The following CFAP20DC variants were observed in gnomAD, a reference collection of about 807,000 sequenced individuals.
CFAP20DC encodes CFAP20 domain containing.
Under a neutral mutation model 101.7 loss-of-function variants are expected in CFAP20DC, and 84 were observed. The observed-to-expected ratio is 0.83, with a 90% confidence interval of 0.69 to 0.99. The LOEUF is 0.99. CFAP20DC is among the 50% of genes least tolerant of loss of function. CFAP20DC has a pLI of 0.00. For missense variants in CFAP20DC, 1,007 were observed against 970.3 expected (o/e 1.04, Z -0.50); for synonymous variants, 359 against 351.2 (o/e 1.02, Z -0.25).
chr3:59,020,283 T>C (rs1390337134), intron 4 of CFAP20DC, among the ~76,000 whole-genome samples: 2 of 152,030 alleles, frequency 1.3e-5, no homozygotes, highest in Non-Finnish European at 2.9e-5. Flanking sequence ...GGAGGGATCC[T>C]GATCCCAAAG....
chr3:58,778,986 T>A (rs903069091), intron 15 of CFAP20DC, among the ~76,000 whole-genome samples: 1 of 152,134 alleles, frequency 6.6e-6, no homozygotes, highest in Non-Finnish European at 1.5e-5. Context: ...TAAAAGCACA[T>A]TCAAATTATT....
intron 7 of CFAP20DC, among the ~76,000 whole-genome samples, chr3:58,883,581 G>A (rs1018173802): frequency 6.6e-6 from 1 of 152,032 alleles, no homozygotes; most frequent in African/African-American, 2.4e-5. Context: ...TTTATTATAA[G>A]TACTTATTTA....
intron 5 of CFAP20DC, among the ~76,000 whole-genome samples, chr3:58,933,886 T>A (rs1176637760): frequency 1.3e-5 from 2 of 151,226 alleles, no homozygotes; most frequent in Admixed American, 6.6e-5. Flanking sequence ...GCAAACACAT[T>A]CAAAAGCTAG....
At chr3:58,778,444 G>A (rs1452373744) in intron 15 of CFAP20DC, among the ~76,000 whole-genome samples, 1 of 152,190 alleles carries the variant, frequency 6.6e-6, no homozygotes, top group Non-Finnish European at 1.5e-5. Flanking sequence ...CCACCTGCAT[G>A]CCACCTGCAG....
chr3:58,924,221 T>C (rs759481843), intron 5 of CFAP20DC, among the ~76,000 whole-genome samples: 1 of 152,140 alleles, frequency 6.6e-6, no homozygotes, highest in Non-Finnish European at 1.5e-5. Context: ...TTTCAACCAT[T>C]ACCCCGCTTC....
At chr3:58,801,723 C>T (rs1351941843) in intron 15 of CFAP20DC, among the ~76,000 whole-genome samples, 1 of 151,974 alleles carries the variant, frequency 6.6e-6, no homozygotes, top group African/African-American at 2.4e-5. Flanking sequence ...GCTGAGCCAG[C>T]GGGAACTGAG....
rs554214009 is a variant in CFAP20DC at position 58,855,951 on chromosome 3, A to G, written c.1594-6542T>C. Reference sequence around the variant, plus strand: ...GTATACATATGTAACTAACCTGCACAATGTGCACATGTACCCTAAAACTTA... The same window carrying G: ...GTATACATATGTAACTAACCTGCACGATGTGCACATGTACCCTAAAACTTA... On this transcript the variant is annotated intron_variant, in intron 12 of 16. Transcript: ENST00000482387. 7.0e-3 allele frequency among the ~76,000 whole-genome samples: 1,056 copies of G among 151,690 alleles called. 13 individuals carry two copies. Among genetic ancestry groups the G allele is most frequent in the African/African-American group, 0.024 (1,004 of 41,322 alleles).
Position 58,913,767 on chromosome 3 carries a change from C to G in CFAP20DC, c.491G>C (p.Cys164Ser), listed in dbSNP as rs2084390837. The G allele has an allele frequency of 1.9e-6, 3 of 1,613,584 alleles. No homozygotes were observed. The highest frequency in any genetic ancestry group is 2.2e-5 in the South Asian group (2 of 91,078). Residue 164 changes from cysteine to serine, a missense_variant, in exon 6 of 17, where the codon TGT (cysteine) becomes TCT (serine). Transcript: ENST00000482387. The surrounding 1 kb of genome is among the most constrained non-coding windows in gnomAD (Gnocchi z 4.4). ...TAAGGTGAAGATCTTCCGTAGCTTA[C>G]AGTTAGCTGAGACAACAATTCCATC... is the stretch of plus-strand genomic sequence containing the variant. ...SLDGIVVSAN[C>S]KLRKIFTLKS...
At chr3:58,967,393 AGCTAAAACTATACATCT>A (rs1194021818) in intron 4 of CFAP20DC, among the ~76,000 whole-genome samples, 9 of 152,208 alleles carry the variant, frequency 5.9e-5, no homozygotes, top group African/African-American at 2.2e-4. Context: ...TACATTTAAG[AGCTAAAACTATACATCT>A]CTTAGAATAA....
At chr3:58,823,194 T>C (rs1004740992) in intron 14 of CFAP20DC, among the ~76,000 whole-genome samples, 2 of 152,178 alleles carry the variant, frequency 1.3e-5, no homozygotes, top group African/African-American at 4.8e-5. Context: ...TTTGCTAATC[T>C]GTCTTTTGTT....
rs1025641209 is a variant in CFAP20DC, at chr3:59,002,039, A to G, written c.278+37518T>C. 6.6e-6 allele frequency among the ~76,000 whole-genome samples: 1 copy of G among 152,222 alleles called. No individual in the cohort carries two copies. The highest frequency in any genetic ancestry group is 1.5e-5 in the Non-Finnish European group (1 of 68,042). ...CTAAAATGCCGTGTGGTTGGCCACCATCTTAATCGTTTACCTAGGAGGCAA... is the reference window on the plus strand; with the variant it reads ...CTAAAATGCCGTGTGGTTGGCCACCGTCTTAATCGTTTACCTAGGAGGCAA... On this transcript the variant is annotated intron_variant, in intron 4 of 16. Coordinates refer to ENST00000482387, the MANE Select transcript of CFAP20DC (RefSeq NM_001394063.1). This position sits in a 1 kb window ranked among gnomAD's most constrained non-coding sequence, Gnocchi z 4.5.
chr3:58,941,043 T>C (rs2088484405), intron 4 of CFAP20DC, among the ~76,000 whole-genome samples: 1 of 152,128 alleles, frequency 6.6e-6, no homozygotes, highest in African/African-American at 2.4e-5. Flanking sequence ...AAATTTCATT[T>C]CCCAGGGCCA....
intron 6 of CFAP20DC, among the ~76,000 whole-genome samples, chr3:58,889,465 G>A (rs1175875702): frequency 2.0e-5 from 3 of 151,990 alleles, no homozygotes; most frequent in Admixed American, 2.0e-4. Flanking sequence ...CATGCAAACA[G>A]AACTGAGAGG....
intron 14 of CFAP20DC, among the ~76,000 whole-genome samples, chr3:58,828,654 G>C (rs1259517893): frequency 6.6e-6 from 1 of 152,156 alleles, no homozygotes; most frequent in Non-Finnish European, 1.5e-5. Context: ...CTAAAGGAGA[G>C]AGGGAGGAAG....
At chr3:58,768,652 T>TA (rs1335640549) in intron 15 of CFAP20DC, among the ~76,000 whole-genome samples, 1 of 152,194 alleles carries the variant, frequency 6.6e-6, no homozygotes, top group Non-Finnish European at 1.5e-5. Flanking sequence ...AATTTGTTTT[T>TA]ACGGTAAAAT....
chr3:59,025,000 CA>C (rs2093868741), intron 4 of CFAP20DC, among the ~76,000 whole-genome samples: 1 of 152,164 alleles, frequency 6.6e-6, no homozygotes, highest in Non-Finnish European at 1.5e-5. Flanking sequence ...TGAAGGCAAA[CA>C]GGGGCAGTGG....
chr3:58,834,756 G>A (rs756888703), intron 13 of CFAP20DC, among the ~76,000 whole-genome samples: 7 of 152,088 alleles, frequency 4.6e-5, no homozygotes, highest in Non-Finnish European at 7.4e-5. Context: ...AGAGGCACCT[G>A]ACAAACAAAT....
intron 4 of CFAP20DC, among the ~76,000 whole-genome samples, chr3:58,975,660 A>T (rs1439446834): frequency 6.6e-6 from 1 of 152,244 alleles, no homozygotes; most frequent in Non-Finnish European, 1.5e-5. Flanking sequence ...ATGGTCTAAA[A>T]GAGAATAACT....
chr3:59,047,854 T>C (rs1699987026), intron 1 of CFAP20DC, among the ~76,000 whole-genome samples: 1 of 152,096 alleles, frequency 6.6e-6, no homozygotes, highest in Non-Finnish European at 1.5e-5. Flanking sequence ...TCAAAGTTTA[T>C]TCAAAAAATG....
Sources: allele counts gnomAD v4.1 joint callset (sites outside exome capture counted in the v4.1 genomes callset), GRCh38; gene constraint gnomAD v4.1.1; non-coding constraint Gnocchi (gnomAD v3.1); transcripts MANE v1.5; gene names NCBI Gene and HGNC (gene_info 2026-07-23, HGNC 2026-07-21).